The following UGDH variants were observed in gnomAD, a reference collection of about 807,000 sequenced individuals.
UGDH encodes UDP-glucose 6-dehydrogenase.
Under a neutral mutation model 50.6 loss-of-function variants are expected in UGDH, and 38 were observed. That is an observed-to-expected ratio of 0.75 (90% CI 0.58 to 0.98). The LOEUF is 0.98. Ranked by LOEUF, UGDH falls within the 50% of genes least tolerant of loss-of-function variation. The pLI, the probability that UGDH is intolerant of heterozygous loss-of-function variation, is 0.00. For missense variants in UGDH, 465 were observed against 606.2 expected, an observed-to-expected ratio of 0.77 and a Z score of 2.45; for synonymous variants, 168 against 199.9, an observed-to-expected ratio of 0.84 and a Z score of 1.35.
At chr4:39,505,412 C>T (rs375973692) in intron 8 of UGDH, 42 bp from the exon 9 acceptor site, 15 of 1,427,254 alleles carry the variant, frequency 1.1e-5, no homozygotes, top group South Asian at 1.6e-5. Context: ...CTTTATGTGG[C>T]ATTATATTCT....
rs1746195206 is a variant in UGDH at position 39,510,417 on chromosome 4, T to A, written c.599A>T (p.Glu200Val). Residue 200 changes from glutamate (E) to valine (V), a missense_variant, in exon 5 of 12, where the codon GAG (glutamate) becomes GTG (valine). Transcript: ENST00000316423. ...GATCTTTTCTCTGGGAACCCAGTGC[T>A]CATATACAGCACACAGGGCCTGCAC... ...RAVQALCAVYEHWVPREKILT... is the reference protein window; with the variant it reads ...RAVQALCAVYVHWVPREKILT... 2.5e-6 allele frequency: 4 copies of A among 1,614,094 alleles called. No homozygotes were observed. The African/African-American group carries it at 4.0e-5, about 16-fold the overall frequency.
chr4:39,509,433 C>G (rs1372677654), intron 6 of UGDH, among the ~76,000 whole-genome samples: 4 of 152,158 alleles, frequency 2.6e-5, no homozygotes, highest in Non-Finnish European at 5.9e-5. Context: ...TGGCTGTGTT[C>G]CAATAAAATT....
chr4:39,521,002 G>C (rs1746630791), intron 2 of UGDH, among the ~76,000 whole-genome samples: 1 of 151,062 alleles, frequency 6.6e-6, no homozygotes, highest in South Asian at 2.1e-4. Flanking sequence ...CCCGTGAGGT[G>C]GGTGTTGCCG....
At chr4:39,526,373 C>T (rs1746892078) in intron 1 of UGDH, 1 of 152,176 alleles carries the variant, frequency 6.6e-6, no homozygotes, top group Non-Finnish European at 1.5e-5. Flanking sequence ...TCAGGGTTGT[C>T]TACCCCTTAC....
At chr4:39,510,003 G>C in intron 5 of UGDH, 96 bp from the exon 6 acceptor site, 3 of 1,369,442 alleles carry the variant, frequency 2.2e-6, no homozygotes, top group Non-Finnish European at 2.9e-6. Context: ...AAATTACTGA[G>C]GGAGATATAT....
intron 2 of UGDH, among the ~76,000 whole-genome samples, chr4:39,517,381 A>AT (rs1746478833): frequency 6.6e-6 from 1 of 151,296 alleles, no homozygotes; most frequent in African/African-American, 2.4e-5. Context: ...TTTTTTTTGT[A>AT]TTTTTTTAAA....
chr4:39,506,406 A>G (rs3796518), intron 7 of UGDH, among the ~76,000 whole-genome samples: 1 of 151,802 alleles, frequency 6.6e-6, no homozygotes, highest in Admixed American at 6.6e-5. Context: ...AAACCATACT[A>G]TCCTTAGTCC....
chr4:39,527,411 C>T lies in UGDH; in HGVS notation c.-136G>A. The stretch of plus-strand genomic sequence containing the variant: ...GATCTGAGCTCCCTCTCGGCGCACG[C>T]CCCTCCCTCAGGCTGCCACGCGTTA... On this transcript the variant is annotated 5_prime_UTR_variant, in exon 1 of 12. Transcript: ENST00000316423. 4.1e-6 allele frequency: 1 copy of T among 244,592 alleles called. No individual in the cohort carries two copies. Among genetic ancestry groups the T allele is most frequent in the Non-Finnish European group, 8.3e-6 (1 of 119,844 alleles). The allele number at this position is 244,592 out of a possible 1,614,324, so 15.2% of individuals were successfully genotyped here.
chr4:39,523,787 C>G, intron 1 of UGDH, among the ~76,000 whole-genome samples: 1 of 136,898 alleles, frequency 7.3e-6, no homozygotes, highest in Non-Finnish European at 1.6e-5. Flanking sequence ...GCCTGGGCAA[C>G]AAGCACGAAA....
intron 1 of UGDH, among the ~76,000 whole-genome samples, chr4:39,524,503 C>CT (rs760533156): frequency 4.3e-3 from 625 of 144,448 alleles, no homozygotes; most frequent in Non-Finnish European, 4.2e-3. Flanking sequence ...ATACTATCAA[C>CT]TTTTTTTTTT....
At chr4:39,525,618 T>A (rs1484803541) in intron 1 of UGDH, among the ~76,000 whole-genome samples, 3 of 151,730 alleles carry the variant, frequency 2.0e-5, no homozygotes, top group Non-Finnish European at 4.4e-5. Flanking sequence ...GCCATTCTCC[T>A]GCCTCAGCCT....
At chr4:39,516,513 C>G (rs1472270804) in intron 2 of UGDH, among the ~76,000 whole-genome samples, 2 of 152,110 alleles carry the variant, frequency 1.3e-5, no homozygotes, top group African/African-American at 4.8e-5. Context: ...GAAGCTCACT[C>G]TTAGGGGAGA....
At chr4:39,509,998 A>C in intron 5 of UGDH, 91 bp from the exon 6 acceptor site, 7 of 1,389,456 alleles carry the variant, frequency 5.0e-6, no homozygotes, top group African/African-American at 1.5e-5. Flanking sequence ...GACGCAAATT[A>C]CTGAGGGAGA....
chr4:39,506,233 T>TAAAAAAAAAAAAA (rs373456890), intron 7 of UGDH, among the ~76,000 whole-genome samples: 1 of 131,112 alleles, frequency 7.6e-6, no homozygotes, highest in Non-Finnish European at 1.6e-5. Context: ...GCCGTAAATT[T>TAAAAAAAAAAAAA]AAAAAAAAAA....
In UGDH at chr4:39,498,797, G is replaced by A. The variant is rs1484108836; in HGVS notation, c.*1346C>T. ...TGTTTTATTTATGTAATTTTCATCT[G>A]TAGAGATGCTTCTGTCCTCATCTTT... On this transcript the variant is annotated 3_prime_UTR_variant, in exon 12 of 12. Coordinates refer to ENST00000316423, the MANE Select transcript of UGDH (RefSeq NM_003359.4). 6.6e-6 allele frequency: 1 copy of A among 152,144 alleles called. No individual in the cohort carries two copies. Among genetic ancestry groups the A allele is most frequent in the Non-Finnish European group, 1.5e-5 (1 of 68,032 alleles). 9.4% of individuals were successfully genotyped at this position (152,144 alleles called of 1,614,324 possible). A position where few individuals can be genotyped will look rare whatever the true frequency, so the allele number is the denominator to read the frequency against.
intron 7 of UGDH, among the ~76,000 whole-genome samples, chr4:39,507,716 AGATGGGAG>A (rs568118506): frequency 0.013 from 1,971 of 152,242 alleles, 34 homozygotes; most frequent in African/African-American, 0.044. Context: ...TGGGAGGCAA[AGATGGGAG>A]GACTGCTGAG....
chr4:39,517,203 A>T (rs1313389021), intron 2 of UGDH, among the ~76,000 whole-genome samples: 1 of 147,760 alleles, frequency 6.8e-6, no homozygotes, highest in African/African-American at 2.6e-5. Context: ...GTTACTACTA[A>T]ATTTTTTTTT....
chr4:39,503,265 G>A, intron 11 of UGDH, among the ~76,000 whole-genome samples: 1 of 152,134 alleles, frequency 6.6e-6, no homozygotes, highest in African/African-American at 2.4e-5. Flanking sequence ...GGCTAGGCTG[G>A]TCTCGAACTC....
rs1745686801 is a variant in UGDH at position 39,498,923 on chromosome 4, A to G, written c.*1220T>C. 1 of 152,200 alleles carries G rather than the reference A, an allele frequency of 6.6e-6. No individual in the cohort carries two copies. Among genetic ancestry groups the G allele is most frequent in the Non-Finnish European group, 1.5e-5 (1 of 68,030 alleles). The allele number at this position is 152,200 out of a possible 1,614,324, so 9.4% of individuals were successfully genotyped here. Reference sequence around the variant, plus strand: ...CATTCTCAGCAGAGCACAAGTATCAAAGGGACATTGGATATATTTTAATAA... The same window carrying G: ...CATTCTCAGCAGAGCACAAGTATCAGAGGGACATTGGATATATTTTAATAA... On this transcript the variant is annotated 3_prime_UTR_variant, in exon 12 of 12. Coordinates refer to ENST00000316423, the MANE Select transcript of UGDH (RefSeq NM_003359.4).
Sources: allele counts gnomAD v4.1 joint callset (sites outside exome capture counted in the v4.1 genomes callset), GRCh38; gene constraint gnomAD v4.1.1; transcripts MANE v1.5; gene names NCBI Gene and HGNC (gene_info 2026-07-23, HGNC 2026-07-21).